The following SH3PXD2B variants were observed in gnomAD, a reference collection of about 807,000 sequenced individuals.
SH3PXD2B encodes SH3 and PX domain-containing protein 2B.
In SH3PXD2B, 37 loss-of-function variants were observed where a neutral mutation model predicts 73.1. That is an observed-to-expected ratio of 0.51 (90% CI 0.39 to 0.67). The LOEUF (loss-of-function observed/expected upper bound fraction) is 0.67. SH3PXD2B is among the 30% of genes least tolerant of loss of function. The pLI, the probability that SH3PXD2B is intolerant of heterozygous loss-of-function variation, is 0.00. For synonymous variants in SH3PXD2B, 457 were observed against 480.5 expected (o/e 0.95, Z 0.64); for missense variants, 1,053 against 1,197.8 (o/e 0.88, Z 1.78).
chr5:172,360,915 C>T (rs1161391853), intron 7 of SH3PXD2B, among the ~76,000 whole-genome samples: 2 of 152,200 alleles, frequency 1.3e-5, no homozygotes, highest in Non-Finnish European at 2.9e-5. Flanking sequence ...TAAAGAAACA[C>T]TGACGTGCAC....
intron 7 of SH3PXD2B, 102 bp downstream of exon 7, chr5:172,362,633 C>A (rs1757425354): frequency 6.4e-7 from 1 of 1,554,718 alleles, no homozygotes; most frequent in Non-Finnish European, 8.9e-7. Flanking sequence ...TGGGAACTGG[C>A]CAGTCTGGAC....
At chr5:172,408,673 G>C (rs1758620404) in intron 2 of SH3PXD2B, among the ~76,000 whole-genome samples, 1 of 150,982 alleles carries the variant, frequency 6.6e-6, no homozygotes, top group African/African-American at 2.4e-5. Flanking sequence ...CAAGTAGTTG[G>C]GATTACAGGC....
chr5:172,405,175 G>A (rs548538000), intron 3 of SH3PXD2B, among the ~76,000 whole-genome samples: 6 of 152,258 alleles, frequency 3.9e-5, no homozygotes, highest in Non-Finnish European at 8.8e-5. Context: ...TGGGAACAGA[G>A]ACTAGGCATA....
chr5:172,348,638 GTATCTATCTATCTATCCTATCTATCTATC>G (rs1348882278), intron 10 of SH3PXD2B, among the ~76,000 whole-genome samples: 13 of 72,568 alleles, frequency 1.8e-4, no homozygotes, highest in South Asian at 1.7e-3. Flanking sequence ...ATCTATCTAT[GTATCTATCTATCTATCCTATCTATCTATC>G]TATCTATCTA....
intron 2 of SH3PXD2B, among the ~76,000 whole-genome samples, chr5:172,412,315 G>A (rs928757335): frequency 1.8e-4 from 27 of 152,182 alleles, no homozygotes; most frequent in African/African-American, 6.3e-4. Context: ...GTGGCCACTA[G>A]CCTCCTGGTA....
intron 2 of SH3PXD2B, among the ~76,000 whole-genome samples, chr5:172,406,805 G>C (rs527511911): frequency 1.3e-5 from 2 of 152,280 alleles, no homozygotes; most frequent in Admixed American, 6.5e-5. Context: ...TCTTCAGGTC[G>C]GCTCAACAGA....
Position 172,334,585 on chromosome 5 carries a change from G to T in SH3PXD2B, c.*3784C>A. The T allele has an allele frequency of 1.0e-6, 1 of 985,496 alleles. No individual in the cohort carries two copies. The highest frequency in any genetic ancestry group is 4.7e-5 in the South Asian group (1 of 21,290). The allele number at this position is 985,496 out of a possible 1,614,324, so 61.0% of individuals were successfully genotyped here. ...TGTCACAGTCCAAAGAGAAAGGTAC[G>T]GCCTCCAAGGGGGCAGCTTAAGCCA... On this transcript the variant is annotated 3_prime_UTR_variant, in exon 13 of 13. Coordinates refer to ENST00000311601, the MANE Select transcript of SH3PXD2B (RefSeq NM_001017995.3).
downstream of SH3PXD2B, among the ~76,000 whole-genome samples, chr5:172,332,741 G>A (rs1756583667): frequency 6.6e-6 from 1 of 152,024 alleles, no homozygotes; most frequent in Non-Finnish European, 1.5e-5. Context: ...CCTTAGGAAG[G>A]TGGGGTGGTG....
intron 4 of SH3PXD2B, among the ~76,000 whole-genome samples, chr5:172,392,696 A>C (rs539034562): frequency 2.6e-5 from 4 of 152,112 alleles, no homozygotes; most frequent in Admixed American, 6.5e-5. Context: ...GAGGCAGGAG[A>C]ATCCCTTGAA....
intron 3 of SH3PXD2B, among the ~76,000 whole-genome samples, chr5:172,404,312 A>ATC (rs1758503115): frequency 6.6e-6 from 1 of 150,480 alleles, no homozygotes; most frequent in Non-Finnish European, 1.5e-5. Flanking sequence ...ATATATATAT[A>ATC]TATATTTTTT....
chr5:172,382,454 C>G (rs1486280843), intron 4 of SH3PXD2B, among the ~76,000 whole-genome samples: 1 of 151,832 alleles, frequency 6.6e-6, no homozygotes, highest in African/African-American at 2.4e-5. Context: ...AAACACAGAT[C>G]GTGGAGCCCC....
chr5:172,357,151 G>A (rs1462707848), intron 8 of SH3PXD2B, among the ~76,000 whole-genome samples: 7 of 141,580 alleles, frequency 4.9e-5, no homozygotes, highest in Non-Finnish European at 9.1e-5. Context: ...AGGGCCAGGC[G>A]CAGTGCTCAT....
chr5:172,434,758 G>A (rs1049264286), intron 1 of SH3PXD2B, among the ~76,000 whole-genome samples: 12 of 147,866 alleles, frequency 8.1e-5, no homozygotes, highest in African/African-American at 2.8e-4. Context: ...ATTACATTTT[G>A]GTCCTGGGAT....
chr5:172,395,101 G>A (rs762456707), intron 3 of SH3PXD2B, among the ~76,000 whole-genome samples: 1 of 151,860 alleles, frequency 6.6e-6, no homozygotes, highest in Admixed American at 6.6e-5. Context: ...CTAAACCCCC[G>A]TGCTCTACCA....
intron 3 of SH3PXD2B, among the ~76,000 whole-genome samples, chr5:172,402,341 G>A (rs1028208768): frequency 4.6e-5 from 7 of 152,252 alleles, no homozygotes; most frequent in African/African-American, 1.7e-4. Flanking sequence ...ATGCATGCCC[G>A]AAACTTCATT....
At chr5:172,363,227 T>C (rs948646137) in intron 6 of SH3PXD2B, among the ~76,000 whole-genome samples, 2 of 152,148 alleles carry the variant, frequency 1.3e-5, no homozygotes, top group African/African-American at 4.8e-5. Flanking sequence ...CAAACATTCA[T>C]CTATCTGCCG....
chr5:172,339,617 C>T lies in SH3PXD2B; in HGVS notation c.1488G>A (p.Arg496=). The T allele has an allele frequency of 1.2e-6, 2 of 1,614,270 alleles. No individual in the cohort carries two copies. Among genetic ancestry groups the T allele is most frequent in the Non-Finnish European group, 1.7e-6 (2 of 1,180,052 alleles). ...ACGCAGACATGTCTGAAGATGCCTT[C>T]CTCAGGACATCCTTACTGCCCTTCC... The part of the protein sequence containing the change: ...KDWKGSKDVL[R]KASSDMSASA... Residue 496 remains arginine, a synonymous_variant, in exon 13 of 13, where the codon AGG becomes AGA. Coordinates refer to ENST00000311601, the MANE Select transcript of SH3PXD2B (RefSeq NM_001017995.3). This position sits in a 1 kb window ranked among gnomAD's most constrained non-coding sequence, Gnocchi z 6.1.
chr5:172,362,769 C>A lies in SH3PXD2B; in HGVS notation c.528G>T (p.Gly176=). The change falls in exon 7 of 13, where the codon GGG becomes GGT. Residue 176 remains glycine, a synonymous_variant. Coordinates refer to ENST00000311601, the MANE Select transcript of SH3PXD2B (RefSeq NM_001017995.3). ...TCTTCTCGATGATGTCCACCACCTG[C>A]CCCACGCTGAGGCTGATCTCCGAAC... is the stretch of plus-strand genomic sequence containing the variant. ...QESSEISLSV[G]QVVDIIEKNE... 1 of 1,614,110 alleles carries A rather than the reference C, an allele frequency of 6.2e-7. No individual in the cohort carries two copies. Among genetic ancestry groups the A allele is most frequent in the Non-Finnish European group, 8.5e-7 (1 of 1,180,020 alleles).
chr5:172,425,068 A>G (rs2113469783), intron 1 of SH3PXD2B, among the ~76,000 whole-genome samples: 1 of 152,276 alleles, frequency 6.6e-6, no homozygotes, highest in South Asian at 2.1e-4. Flanking sequence ...GTCAGTCATC[A>G]TCTCAGAAAG....
Sources: allele counts gnomAD v4.1 joint callset (sites outside exome capture counted in the v4.1 genomes callset), GRCh38; gene constraint gnomAD v4.1.1; non-coding constraint Gnocchi (gnomAD v3.1); transcripts MANE v1.5; gene names NCBI Gene and HGNC (gene_info 2026-07-23, HGNC 2026-07-21).